Variants in SPOCK1 observed in about 807,000 individuals in gnomAD.
The protein encoded by SPOCK1 is SPARC (osteonectin), cwcv and kazal like domains proteoglycan 1.
SPOCK1 carries 23 observed loss-of-function variants against 55.3 expected under a neutral mutation model. That is an observed-to-expected ratio of 0.42 (90% CI 0.30 to 0.59). The LOEUF is 0.59. Among genes scored for constraint, SPOCK1 ranks in the 20% least tolerant of loss-of-function variants. The pLI, the probability that SPOCK1 is intolerant of heterozygous loss-of-function variation, is 0.22. For missense variants in SPOCK1, 499 were observed against 552.5 expected (o/e 0.90, Z 0.97); for synonymous variants, 226 against 221.0 (o/e 1.02, Z -0.20).
At chr5:137,011,958 A>T (rs534212133) in intron 6 of SPOCK1, among the ~76,000 whole-genome samples, 1 of 152,254 alleles carries the variant, frequency 6.6e-6, no homozygotes, top group East Asian at 1.9e-4. Context: ...CATATATTAA[A>T]CACCTACTCT....
intron 3 of SPOCK1, among the ~76,000 whole-genome samples, chr5:137,247,314 C>T (rs1756414902): frequency 6.6e-6 from 1 of 152,032 alleles, no homozygotes; most frequent in African/African-American, 2.4e-5. Flanking sequence ...TCTTCCAGGT[C>T]ACTCAGTTCT....
intron 9 of SPOCK1, 124 bp downstream of exon 9, chr5:136,985,016 A>C (rs1238788314): frequency 2.0e-6 from 2 of 1,017,356 alleles, no homozygotes; most frequent in East Asian, 2.4e-5. Flanking sequence ...GCCTGGGGTT[A>C]AAACAAGGCA....
intron 6 of SPOCK1, among the ~76,000 whole-genome samples, chr5:137,051,676 G>A (rs1752211194): frequency 1.3e-5 from 2 of 151,938 alleles, no homozygotes; most frequent in Admixed American, 6.6e-5. Context: ...TCAAATTAAG[G>A]ATATAAAAGA....
intron 2 of SPOCK1, among the ~76,000 whole-genome samples, chr5:137,359,802 C>G (rs777787399): frequency 6.6e-6 from 1 of 151,908 alleles, no homozygotes; most frequent in Non-Finnish European, 1.5e-5. Context: ...ATTTTTTTTC[C>G]TCTAGGATGG....
intron 6 of SPOCK1, among the ~76,000 whole-genome samples, chr5:137,009,199 T>C (rs1751306583): frequency 6.6e-6 from 1 of 152,182 alleles, no homozygotes; most frequent in Non-Finnish European, 1.5e-5. Context: ...TTGCTAGATA[T>C]TTTGACCCCA....
intron 3 of SPOCK1, among the ~76,000 whole-genome samples, chr5:137,177,313 A>G (rs1172307408): frequency 6.6e-6 from 1 of 152,198 alleles, no homozygotes; most frequent in African/African-American, 2.4e-5. Context: ...CCTGCAGTAC[A>G]GGTCTGCTGG....
intron 2 of SPOCK1, among the ~76,000 whole-genome samples, chr5:137,312,958 G>A (rs945625534): frequency 6.6e-6 from 1 of 152,112 alleles, no homozygotes; most frequent in African/African-American, 2.4e-5. Flanking sequence ...AGTCAACCAG[G>A]GACAGGCCCA....
chr5:137,277,938 A>G (rs2127123415), intron 2 of SPOCK1, among the ~76,000 whole-genome samples: 1 of 152,232 alleles, frequency 6.6e-6, no homozygotes, highest in South Asian at 2.1e-4. Flanking sequence ...ACACCTGTTT[A>G]CCACCAGCAC....
intron 2 of SPOCK1, among the ~76,000 whole-genome samples, chr5:137,467,325 T>G (rs1056182095): frequency 6.6e-6 from 1 of 152,184 alleles, no homozygotes; most frequent in Non-Finnish European, 1.5e-5. Context: ...GTGAGAATAT[T>G]TGGGGATGTT....
intron 3 of SPOCK1, among the ~76,000 whole-genome samples, chr5:137,233,404 G>C (rs1000072830): frequency 6.6e-6 from 1 of 152,130 alleles, no homozygotes; most frequent in African/African-American, 2.4e-5. Flanking sequence ...TCACAACAGG[G>C]TTCATGTGCC....
intron 2 of SPOCK1, among the ~76,000 whole-genome samples, chr5:137,272,870 A>C (rs1206062257): frequency 6.6e-6 from 1 of 151,998 alleles, no homozygotes; most frequent in Non-Finnish European, 1.5e-5. Context: ...AATATAAGTA[A>C]GCAATTCCAG....
chr5:137,121,449 A>T (rs150074785), intron 4 of SPOCK1, among the ~76,000 whole-genome samples: 1 of 151,960 alleles, frequency 6.6e-6, no homozygotes, highest in Non-Finnish European at 1.5e-5. Context: ...AAACAGTAAG[A>T]AGAAAATGAA....
chr5:137,445,934 A>T (rs757189820), intron 2 of SPOCK1, among the ~76,000 whole-genome samples: 3 of 152,230 alleles, frequency 2.0e-5, no homozygotes, highest in Admixed American at 6.5e-5. Flanking sequence ...GTGCATCAAG[A>T]AATAGAGCAC....
rs7703655 is a variant in SPOCK1, at chr5:137,203,879, T to C, written c.232+63131A>G. Among the ~76,000 whole-genome samples, 194 of 152,362 alleles carry C rather than the reference T, an allele frequency of 1.3e-3. 1 individual carries two copies. Among genetic ancestry groups the C allele is most frequent in the African/African-American group, 4.3e-3 (178 of 41,588 alleles). On this transcript the variant is annotated intron_variant, in intron 3 of 10. Coordinates refer to ENST00000394945, the MANE Select transcript of SPOCK1 (RefSeq NM_004598.4). ...TAATCAAGCTGATTGGAGGACATTATGGAAAATCCCTCTTAAGTAATGTGG... is the reference window on the plus strand; with the variant it reads ...TAATCAAGCTGATTGGAGGACATTACGGAAAATCCCTCTTAAGTAATGTGG...
intron 2 of SPOCK1, among the ~76,000 whole-genome samples, chr5:137,423,741 G>A (rs924448282): frequency 3.9e-5 from 6 of 152,180 alleles, no homozygotes; most frequent in African/African-American, 4.8e-5. Flanking sequence ...CGGGTAAGGC[G>A]ATGCCTCGCC....
At chr5:137,006,939 C>T (rs780079036) in intron 6 of SPOCK1, among the ~76,000 whole-genome samples, 23 of 151,990 alleles carry the variant, frequency 1.5e-4, no homozygotes, top group Admixed American at 3.3e-4. Flanking sequence ...GCCTTTTTGG[C>T]GTCTATTGAG....
intron 2 of SPOCK1, among the ~76,000 whole-genome samples, chr5:137,444,065 C>T (rs990546879): frequency 6.6e-6 from 1 of 152,174 alleles, no homozygotes; most frequent in African/African-American, 2.4e-5. Context: ...CCATGAAGAG[C>T]GAGCCTCAGC....
chr5:137,470,150 G>A (rs1262903287), intron 2 of SPOCK1, among the ~76,000 whole-genome samples: 1 of 152,110 alleles, frequency 6.6e-6, no homozygotes, highest in Non-Finnish European at 1.5e-5. Flanking sequence ...TCTGCCTTAT[G>A]GATTTCCATC....
At chr5:137,390,356 C>T (rs1417029768) in intron 2 of SPOCK1, among the ~76,000 whole-genome samples, 1 of 152,124 alleles carries the variant, frequency 6.6e-6, no homozygotes, top group Non-Finnish European at 1.5e-5. Context: ...AGCCTCCCAG[C>T]CTAACTCATA....
Sources: gnomAD v4.1 joint callset for allele counts (sites outside exome capture counted in the v4.1 genomes callset) on GRCh38, gnomAD v4.1.1 for gene constraint, MANE v1.5 for transcripts, NCBI Gene and HGNC (gene_info 2026-07-23, HGNC 2026-07-21) for gene names.